MVP: variants seen among roughly 807,000 people sequenced by gnomAD.
MVP encodes lung resistance-related protein.
A neutral mutation model predicts 83.5 loss-of-function variants in MVP; 62 were observed. The ratio of observed to expected loss-of-function variants is 0.74; its 90% confidence interval spans 0.61 to 0.92. The LOEUF is 0.92. Ranked by LOEUF, MVP falls within the 40% of genes least tolerant of loss-of-function variation. The probability of loss-of-function intolerance (pLI) is 0.00; values close to 1 mark genes in which losing one functional copy is unlikely to be tolerated. For synonymous variants in MVP, 505 were observed against 504.1 expected (o/e 1.00, Z -0.02); for missense variants, 1,000 against 1,203.4 (o/e 0.83, Z 2.50).
Position 29,844,581 on chromosome 16 carries a change from A to G in MVP, c.1723A>G (p.Ile575Val). 2 of 1,612,308 alleles carry G rather than the reference A, an allele frequency of 1.2e-6. No homozygotes were observed. Among genetic ancestry groups the G allele is most frequent in the Non-Finnish European group, 1.7e-6 (2 of 1,178,996 alleles). Residue 575 changes from isoleucine (I) to valine (V), a missense_variant, in exon 11 of 15, where the codon ATC becomes GTC. Coordinates refer to ENST00000357402, the MANE Select transcript of MVP (RefSeq NM_005115.5). ...CTTTGTAGGTGATGCCTGCAAAGCC[A>G]TCGCATCCCGGGTGCGGGGGGCCGT... ...PDFVGDACKA[I>V]ASRVRGAVAS...
chr16:29,831,600 C>T (rs1293397840), intron 3 of MVP: 4 of 456,202 alleles, frequency 8.8e-6, no homozygotes, highest in South Asian at 4.6e-5. Context: ...CCCAAACACA[C>T]CTGCCTCTTT....
chr16:29,845,668 C>T (rs1400480338), intron 11 of MVP, among the ~76,000 whole-genome samples, 195 bp from the exon 12 acceptor site: 3 of 152,230 alleles, frequency 2.0e-5, no homozygotes, highest in South Asian at 2.1e-4. Context: ...GCCGCAGTCA[C>T]GCCTGCATTT....
intron 1 of MVP, among the ~76,000 whole-genome samples, chr16:29,823,470 A>C (rs1429931379): frequency 6.6e-6 from 1 of 152,106 alleles, no homozygotes; most frequent in African/African-American, 2.4e-5. Context: ...AGGAAGGCTC[A>C]GAGGCTAGTA....
In MVP at chr16:29,847,683, C is replaced by T. The variant is rs2150762828; in HGVS notation, c.2455-79C>T. 7 of 1,408,850 alleles carry T rather than the reference C, an allele frequency of 5.0e-6. No homozygotes were observed. In the South Asian group the frequency reaches 6.9e-5, roughly 14 times the overall value. The allele number at this position is 1,408,850 out of a possible 1,614,324, so 87.3% of individuals were successfully genotyped here. A position where few individuals can be genotyped will look rare whatever the true frequency, so the allele number is the denominator to read the frequency against. On this transcript the variant is annotated intron_variant, in intron 14 of 14. Coordinates refer to ENST00000357402, the MANE Select transcript of MVP (RefSeq NM_005115.5). ...ATGCAGGGGAGGTGACCCTTCAAAC[C>T]AGCTGACTTAAGGAGGGTCACTCTG...
In MVP at chr16:29,847,855, G is replaced by A; in HGVS notation, c.2548G>A (p.Gly850Arg). 1 of 1,614,196 alleles carries A rather than the reference G, an allele frequency of 6.2e-7. No individual in the cohort carries two copies. The highest frequency in any genetic ancestry group is 8.5e-7 in the Non-Finnish European group (1 of 1,180,038). ...NLFNTAFGLL[G>R]MGPEGQPLGR... ...CTTCAACACAGCCTTTGGGCTGCTGGGGATGGGGCCCGAGGGTCAGCCCCT... is the reference window on the plus strand; with the variant it reads ...CTTCAACACAGCCTTTGGGCTGCTGAGGATGGGGCCCGAGGGTCAGCCCCT... The change falls in exon 15 of 15, where the codon GGG becomes AGG. Residue 850 changes from glycine to arginine, a missense_variant. By Grantham distance (125) the Gly-to-Arg change is moderately radical. Transcript: ENST00000357402.
chr16:29,824,328 T>C (rs1407775220), intron 1 of MVP, among the ~76,000 whole-genome samples: 12 of 151,074 alleles, frequency 7.9e-5, no homozygotes, highest in Admixed American at 3.3e-4. Flanking sequence ...ATGCAAGTCA[T>C]TGAGGGTCGA....
chr16:29,830,429 T>C, intron 1 of MVP, 86 bp from the exon 2 acceptor site: 1 of 1,204,880 alleles, frequency 8.3e-7, no homozygotes, highest in Non-Finnish European at 1.2e-6. Flanking sequence ...TAGGGCCGTA[T>C]CCCACCCAGA....
At chr16:29,846,636 T>A (rs771938412) in intron 13 of MVP, among the ~76,000 whole-genome samples, 7 of 152,170 alleles carry the variant, frequency 4.6e-5, no homozygotes, top group Non-Finnish European at 8.8e-5. Context: ...GGCGGGTGGA[T>A]CACCTGAGGT....
chr16:29,846,178 G>A lies in MVP; in HGVS notation c.2159G>A (p.Gly720Glu). 6.2e-7 allele frequency: 1 copy of A among 1,610,912 alleles called. No homozygotes were observed. The highest frequency in any genetic ancestry group is 8.5e-7 in the Non-Finnish European group (1 of 1,178,696). The change falls in exon 13 of 15, where the codon GGG (glycine) becomes GAG (glutamate). Residue 720 changes from glycine to glutamate, a missense_variant. Coordinates refer to ENST00000357402, the MANE Select transcript of MVP (RefSeq NM_005115.5). ...CCCAGCATGGCCGTGGAGAGCACCG[G>A]GACTGCCAAGGCGGAGGCCGAGTCC... ...EALSMAVEST[G>E]TAKAEAESRA...
chr16:29,830,710 G>C, intron 2 of MVP, 36 bp downstream of exon 2: 1 of 1,609,524 alleles, frequency 6.2e-7, no homozygotes, highest in Non-Finnish European at 8.5e-7. Flanking sequence ...GGATCCTTGG[G>C]GATGTGGGGG....
intron 3 of MVP, among the ~76,000 whole-genome samples, chr16:29,832,786 C>G (rs533596496): frequency 2.6e-5 from 4 of 151,436 alleles, no homozygotes; most frequent in Non-Finnish European, 5.9e-5. Flanking sequence ...TATGTTCAGC[C>G]GGGCACAGTG....
At chr16:29,829,343 A>C (rs936629104) in intron 1 of MVP, among the ~76,000 whole-genome samples, 5 of 149,724 alleles carry the variant, frequency 3.3e-5, no homozygotes, top group African/African-American at 4.9e-5. Context: ...TTAGCTAGAC[A>C]TGGTGGCATG....
At chr16:29,827,713 A>G (rs2067414174) in intron 1 of MVP, among the ~76,000 whole-genome samples, 1 of 152,144 alleles carries the variant, frequency 6.6e-6, no homozygotes, top group Non-Finnish European at 1.5e-5. Flanking sequence ...CAGGAGTTCG[A>G]GACCAGCCTA....
chr16:29,843,500 C>G (rs368018769), intron 10 of MVP, among the ~76,000 whole-genome samples: 4 of 47,380 alleles, frequency 8.4e-5, no homozygotes, highest in East Asian at 6.6e-4. Context: ...GACCCTGTCT[C>G]GGAGGAAGGG....
intron 1 of MVP, chr16:29,821,253 G>A (rs1348260101): frequency 2.0e-5 from 3 of 152,358 alleles, no homozygotes; most frequent in African/African-American, 7.2e-5. Context: ...GGTAGCCCCT[G>A]GGTGATGGGG....
rs142412184 is a variant in MVP, at chr16:29,836,883, C to G, written c.834C>G (p.Pro278=). The part of the protein sequence containing the change: ...LGVVPITTLG[P]HNYCVILDPV... ...TTGTGCCCATCACCACCCTGGGCCC[C>G]CACAACTACTGCGTGATTCTCGACC... Residue 278 remains proline, a synonymous_variant, in exon 7 of 15, where the codon CCC becomes CCG. Coordinates refer to ENST00000357402, the MANE Select transcript of MVP (RefSeq NM_005115.5). 1 of 1,614,060 alleles carries G rather than the reference C, an allele frequency of 6.2e-7. No individual in the cohort carries two copies. Among genetic ancestry groups the G allele is most frequent in the Non-Finnish European group, 8.5e-7 (1 of 1,179,996 alleles).
chr16:29,847,046 T>C, intron 13 of MVP, 151 bp from the exon 14 acceptor site: 3 of 804,076 alleles, frequency 3.7e-6, no homozygotes, highest in Non-Finnish European at 5.9e-6. Context: ...TTTAATTGAC[T>C]GGGTGTGGTG....
intron 1 of MVP, among the ~76,000 whole-genome samples, chr16:29,823,122 C>CTTTTCT (rs2067377106): frequency 3.0e-5 from 3 of 98,508 alleles, no homozygotes; most frequent in Non-Finnish European, 5.7e-5. Flanking sequence ...CTTTTCTTTT[C>CTTTTCT]TTTTTTTTTT....
chr16:29,840,389 TGGA>T lies in MVP; in HGVS notation c.1126_1128del (p.Glu376del). Reference sequence around the variant, plus strand: ...GTGCCATCTGCCAAAGTGGAGGTGGTGGAGGAGCGCCAGGCCATCCCTCTAGAC... The same window carrying T: ...GTGCCATCTGCCAAAGTGGAGGTGGTGGAGCGCCAGGCCATCCCTCTAGAC... On this transcript the variant is annotated inframe_deletion, in exon 8 of 15. Transcript: ENST00000357402. The T allele has an allele frequency of 6.3e-7, 1 of 1,595,790 alleles. No individual in the cohort carries two copies.
Sources: gnomAD v4.1 joint callset for allele counts (sites outside exome capture counted in the v4.1 genomes callset) on GRCh38, gnomAD v4.1.1 for gene constraint, MANE v1.5 for transcripts, NCBI Gene and HGNC (gene_info 2026-07-23, HGNC 2026-07-21) for gene names.